Variants in KDM5B observed in about 807,000 individuals in gnomAD.
KDM5B encodes the protein lysine-specific demethylase 5B.
Under a neutral mutation model 193.4 loss-of-function variants are expected in KDM5B, and 144 were observed. The ratio of observed to expected loss-of-function variants is 0.74; its 90% CI spans 0.65 to 0.86. The LOEUF (loss-of-function observed/expected upper bound fraction) is 0.86, where lower values mean the gene tolerates loss of function less well. Ranked by LOEUF, KDM5B falls within the 40% of genes least tolerant of loss-of-function variation. The pLI, the probability that KDM5B is intolerant of heterozygous loss-of-function variation, is 0.00. For synonymous variants in KDM5B, 668 were observed against 682.6 expected (o/e 0.98, Z 0.33); for missense variants, 1,833 against 1,886.9 (o/e 0.97, Z 0.53).
chr1:202,755,463 G>A lies in KDM5B; in HGVS notation c.1357-11C>T. The A allele has an allele frequency of 6.2e-7, 1 of 1,600,866 alleles. No homozygotes were observed. The highest frequency in any genetic ancestry group is 2.2e-5 in the East Asian group (1 of 44,706). The stretch of plus-strand genomic sequence containing the variant: ...ACTATCAAGATACTCCTAAAAATAA[G>A]AAGACAAAAGAGGATAAAGGTTTAG... On this transcript the variant is annotated splice_polypyrimidine_tract_variant and intron_variant, in intron 10 of 26. Coordinates refer to ENST00000367265, the MANE Select transcript of KDM5B (RefSeq NM_006618.5).
intron 11 of KDM5B, 54 bp downstream of exon 11, chr1:202,755,217 A>C: frequency 7.0e-7 from 1 of 1,418,642 alleles, no homozygotes; most frequent in Non-Finnish European, 9.9e-7. Context: ...TGAAAAGGAA[A>C]GTTTTCCTAT....
chr1:202,732,138 C>A (rs775240128), intron 23 of KDM5B, 199 bp from the exon 24 acceptor site: 4 of 525,366 alleles, frequency 7.6e-6, no homozygotes, highest in South Asian at 2.3e-5. Flanking sequence ...AAAGACCAAG[C>A]CTTTAATCTT....
intron 1 of KDM5B, among the ~76,000 whole-genome samples, chr1:202,782,524 AG>A: frequency 6.6e-6 from 1 of 152,298 alleles, no homozygotes; most frequent in East Asian, 1.9e-4. Context: ...AATGGGGGGT[AG>A]GGGAAGCCAT....
Position 202,773,134 on chromosome 1 carries a change from G to A in KDM5B, c.560C>T (p.Ser187Phe). 1 of 1,612,668 alleles carries A rather than the reference G, an allele frequency of 6.2e-7. No individual in the cohort carries two copies. Among genetic ancestry groups the A allele is most frequent in the Non-Finnish European group, 8.5e-7 (1 of 1,178,760 alleles). Reference protein sequence around the residue: ...RILNPYNLFLSGDSLRCLQKP... With the variant: ...RILNPYNLFLFGDSLRCLQKP... ...CAAACTTACCCTTAGGCTGTCTCCG[G>A]ACAGGAATAAGTTGTAGGGGTTGAG... Residue 187 changes from serine to phenylalanine, a missense_variant, in exon 4 of 27, where the codon TCC (serine) becomes TTC (phenylalanine). Around this residue, in one of 3 missense-constraint regions of KDM5B, gnomAD observed 355 missense variants for 374.9 expected, o/e 0.95. Transcript: ENST00000367265.
intron 23 of KDM5B, among the ~76,000 whole-genome samples, chr1:202,732,991 C>T (rs967253973): frequency 6.6e-6 from 1 of 152,050 alleles, no homozygotes; most frequent in Non-Finnish European, 1.5e-5. Context: ...GGGCAAAAAG[C>T]GATAAAAGGC....
chr1:202,783,581 T>A (rs1042480922), intron 1 of KDM5B, among the ~76,000 whole-genome samples: 1 of 152,134 alleles, frequency 6.6e-6, no homozygotes, highest in African/African-American at 2.4e-5. Context: ...AAGAACCTTA[T>A]TATTTAAAAG....
In KDM5B at chr1:202,740,827, C is replaced by G. The variant is rs200942097; in HGVS notation, c.2946-15G>C. 5 of 1,598,694 alleles carry G rather than the reference C, an allele frequency of 3.1e-6. No homozygotes were observed. In the South Asian group the frequency reaches 4.5e-5, roughly 14 times the overall value. ...AATGTCGTGGCCTACAAAATGCAAA[C>G]AAAGACTTCTTAGCATTTTATATGA... is the stretch of plus-strand genomic sequence containing the variant. On this transcript the variant is annotated splice_polypyrimidine_tract_variant and intron_variant, in intron 19 of 26. Transcript: ENST00000367265.
chr1:202,795,966 T>G (rs6427965), intron 1 of KDM5B: 118,452 of 152,336 alleles, frequency 0.78, 47,230 homozygotes, highest in Admixed American at 0.87. Flanking sequence ...CACAGAGCTG[T>G]AATGGGCCTG....
chr1:202,788,363 C>T (rs1657498060), intron 1 of KDM5B, among the ~76,000 whole-genome samples: 1 of 152,124 alleles, frequency 6.6e-6, no homozygotes, highest in Non-Finnish European at 1.5e-5. Context: ...TTTTAAAGAA[C>T]TTGTTTCAAA....
At chr1:202,761,539 T>TC (rs1376754333) in intron 7 of KDM5B, among the ~76,000 whole-genome samples, 1 of 152,056 alleles carries the variant, frequency 6.6e-6, no homozygotes, top group African/African-American at 2.4e-5. Flanking sequence ...TATACTGTAT[T>TC]CCCCCCAAAA....
At chr1:202,772,694 C>CTT (rs796278655) in intron 4 of KDM5B, among the ~76,000 whole-genome samples, 5 of 145,552 alleles carry the variant, frequency 3.4e-5, no homozygotes, top group African/African-American at 1.0e-4. Flanking sequence ...AAAACAAGGT[C>CTT]TTTTTTTTTT....
At chr1:202,733,258 A>C in intron 23 of KDM5B, 143 bp downstream of exon 23, 1 of 809,398 alleles carries the variant, frequency 1.2e-6, no homozygotes, top group Non-Finnish European at 2.0e-6. Context: ...ATGGTCTTGA[A>C]GTGGGAAGCT....
intron 1 of KDM5B, among the ~76,000 whole-genome samples, chr1:202,804,988 A>T (rs2102354742): frequency 6.6e-6 from 1 of 152,334 alleles, no homozygotes; most frequent in East Asian, 1.9e-4. Flanking sequence ...GAGACAAAAA[A>T]GTATTTACTG....
In KDM5B at chr1:202,808,068, C is replaced by T. The variant is rs774902946; in HGVS notation, c.204+34G>A. ...GCGCGTCCCCGCTCCCTCCCCCAGC[C>T]ACGAGCTGGATCCGGGGTGCTGGCG... On this transcript the variant is annotated intron_variant, in intron 1 of 26. Transcript: ENST00000367265. The T allele has an allele frequency of 1.9e-6, 3 of 1,598,976 alleles. 1 individual carries two copies.
At chr1:202,749,690 G>A (rs1655716819) in intron 13 of KDM5B, among the ~76,000 whole-genome samples, 1 of 150,660 alleles carries the variant, frequency 6.6e-6, no homozygotes, top group Non-Finnish European at 1.5e-5. Context: ...AAAAGACCCA[G>A]CATATTAACA....
chr1:202,784,345 C>A (rs1271193871), intron 1 of KDM5B, among the ~76,000 whole-genome samples: 1 of 152,126 alleles, frequency 6.6e-6, no homozygotes, highest in Non-Finnish European at 1.5e-5. Flanking sequence ...AAAGCACATT[C>A]TTGTTAGTTT....
In KDM5B at chr1:202,760,542, C is replaced by T. The variant is rs747107744; in HGVS notation, c.950G>A (p.Ser317Asn). The T allele has an allele frequency of 4.0e-5, 65 of 1,612,638 alleles. No individual in the cohort carries two copies. Among genetic ancestry groups the T allele is most frequent in the Admixed American group, 6.7e-5 (4 of 59,826 alleles). Residue 317 changes from serine to asparagine, a missense_variant, in exon 8 of 27, where the codon AGT (serine) becomes AAT (asparagine). Around this residue, in one of 3 missense-constraint regions of KDM5B, gnomAD observed 99 missense variants for 162.4 expected, o/e 0.61. Coordinates refer to ENST00000367265, the MANE Select transcript of KDM5B (RefSeq NM_006618.5). ...CAGTAGCCGGTCTTCATCATTGCCACTGCCACATAAAAGACAGACATACAG... is the reference window on the plus strand; with the variant it reads ...CAGTAGCCGGTCTTCATCATTGCCATTGCCACATAAAAGACAGACATACAG... Reference protein sequence around the residue: ...VDLYVCLLCGSGNDEDRLLLC... With the variant: ...VDLYVCLLCGNGNDEDRLLLC...
At chr1:202,769,668 C>CAAAAAAAAAAAA (rs71142553) in intron 4 of KDM5B, among the ~76,000 whole-genome samples, 1 of 55,946 alleles carries the variant, frequency 1.8e-5, no homozygotes, top group African/African-American at 8.8e-5. Flanking sequence ...GACTCTGTCT[C>CAAAAAAAAAAAA]AAAAAAAAAA....
rs1024227444 is a variant in KDM5B at position 202,742,755 on chromosome 1, G to T, written c.2374C>A (p.Pro792Thr). Residue 792 changes from proline to threonine, a missense_variant, in exon 17 of 27, where the codon CCA becomes ACA. Pro to Thr is a conservative substitution (Grantham distance 38). Coordinates refer to ENST00000367265, the MANE Select transcript of KDM5B (RefSeq NM_006618.5). ...LIEESEMKKFPDNDLLRHLRL... is the reference protein window; with the variant it reads ...LIEESEMKKFTDNDLLRHLRL... ...AGGTGTCGCAAAAGATCATTGTCTG[G>T]GAATTTCTTCATTTCAGATTCTTCA... 6.2e-7 allele frequency: 1 copy of T among 1,614,080 alleles called. No homozygotes were observed. Among genetic ancestry groups the T allele is most frequent in the Non-Finnish European group, 8.5e-7 (1 of 1,179,982 alleles).
Sources: gnomAD v4.1 joint callset for allele counts (sites outside exome capture counted in the v4.1 genomes callset) on GRCh38, gnomAD v4.1.1 for gene constraint, gnomAD v4.1.1 regional missense constraint, MANE v1.5 for transcripts, NCBI Gene and HGNC (gene_info 2026-07-23, HGNC 2026-07-21) for gene names.